The following AFF2 variants were observed in gnomAD, a reference collection of about 807,000 sequenced individuals.
The protein encoded by AFF2 is ALF transcription elongation factor 2, also known as AF4/FMR2 family member 2.
AFF2 carries 14 observed loss-of-function variants against 76.9 expected under a neutral mutation model. That is an observed-to-expected ratio of 0.18 (90% confidence interval 0.12 to 0.28). The LOEUF is 0.28. Among genes scored for constraint, AFF2 ranks in the 10% least tolerant of loss-of-function variants. The probability of loss-of-function intolerance (pLI) is 1.00; values close to 1 mark genes in which losing one functional copy is unlikely to be tolerated. For missense variants in AFF2, 868 were observed against 1,001.1 expected, an observed-to-expected ratio of 0.87 and a Z score of 1.79; for synonymous variants, 398 against 366.7, an observed-to-expected ratio of 1.09 and a Z score of -0.98.
intron 1 of AFF2, among the ~76,000 whole-genome samples, chrX:148,598,519 G>A (rs1392167819): frequency 1.8e-5 from 2 of 112,314 alleles, no homozygotes; most frequent in South Asian, 3.6e-4. Context: ...AGGCACTAGC[G>A]TTCTCCTATC....
intron 1 of AFF2, among the ~76,000 whole-genome samples, chrX:148,548,270 G>A (rs1432109291): frequency 2.7e-5 from 3 of 111,107 alleles, no homozygotes; most frequent in Admixed American, 9.6e-5. Flanking sequence ...GACACTTTGT[G>A]GTGGGCATAT....
rs946205293 is a variant in AFF2, at chrX:148,615,383, C to T, written c.48-36616C>T. Among the ~76,000 whole-genome samples, 30 of 111,771 alleles carry T rather than the reference C, an allele frequency of 2.7e-4. 1 individual carries two copies. The highest frequency in any genetic ancestry group is 1.6e-3 in the Admixed American group (17 of 10,574). ...GAATGGAATTTTACATTGACAGTGT[C>T]GTTTTGGTGGTTTAAAGTTTAGATG... On this transcript the variant is annotated intron_variant, in intron 1 of 20. Coordinates refer to ENST00000370460, the MANE Select transcript of AFF2 (RefSeq NM_002025.4).
chrX:148,591,092 A>T (rs1275577752), intron 1 of AFF2, among the ~76,000 whole-genome samples: 3 of 112,403 alleles, frequency 2.7e-5, no homozygotes, highest in Non-Finnish European at 5.6e-5. Context: ...ATCTTCATCC[A>T]AAATGTTTGG....
intron 7 of AFF2, among the ~76,000 whole-genome samples, chrX:148,854,049 TG>T (rs781910918): frequency 1.2e-4 from 13 of 112,031 alleles, no homozygotes; most frequent in Non-Finnish European, 5.6e-5. Context: ...ATTTTGATAT[TG>T]AAGAGGGCCT....
intron 8 of AFF2, among the ~76,000 whole-genome samples, chrX:148,892,372 A>G (rs1168218379): frequency 5.3e-5 from 2 of 37,495 alleles, no homozygotes; most frequent in East Asian, 7.8e-3. Flanking sequence ...TAATTACCGA[A>G]CACAAAAAAG....
At chrX:148,695,953 C>T (rs181031892) in intron 3 of AFF2, among the ~76,000 whole-genome samples, 1 of 111,925 alleles carries the variant, frequency 8.9e-6, no homozygotes, top group East Asian at 2.8e-4. Context: ...TATTTGATCA[C>T]TTAGTAGGTA....
chrX:148,604,957 G>A lies in AFF2; in HGVS notation c.48-47042G>A, dbSNP rs183603718. Among the ~76,000 whole-genome samples, 11 of 111,482 alleles carry A rather than the reference G, an allele frequency of 9.9e-5. No homozygotes were observed. In the East Asian group the frequency reaches 3.1e-3, roughly 32 times the overall value. On this transcript the variant is annotated intron_variant, in intron 1 of 20. Coordinates refer to ENST00000370460, the MANE Select transcript of AFF2 (RefSeq NM_002025.4). The stretch of plus-strand genomic sequence containing the variant: ...CTATACAAAATAAGATATGACAAGA[G>A]GGAACTATCCTTTAGAGAAAAATAA...
intron 9 of AFF2, among the ~76,000 whole-genome samples, chrX:148,924,294 A>G (rs1482202791): frequency 8.9e-6 from 1 of 111,839 alleles, no homozygotes; most frequent in Non-Finnish European, 1.9e-5. Flanking sequence ...TGAAAAGACA[A>G]TAGTGAGATA....
rs1416440075 is a variant in AFF2, at chrX:148,992,713, C to T, written c.*1381C>T. The T allele has an allele frequency of 8.9e-6, 1 of 112,175 alleles. No individual in the cohort carries two copies. The highest frequency in any genetic ancestry group is 9.5e-5 in the Admixed American group (1 of 10,514). The allele number at this position is 112,175 out of a possible 1,213,427, so 9.2% of individuals were successfully genotyped here. A position where few individuals can be genotyped will look rare whatever the true frequency, so the allele number is the denominator to read the frequency against. On this transcript the variant is annotated 3_prime_UTR_variant, in exon 21 of 21. Coordinates refer to ENST00000370460, the MANE Select transcript of AFF2 (RefSeq NM_002025.4). ...ATTCACCTAATTTGGAGACATTTCT[C>T]ACTGGTTGTGACTACCCCCTTATGA...
chrX:148,650,251 G>A (rs891816559), intron 1 of AFF2, among the ~76,000 whole-genome samples: 13 of 111,439 alleles, frequency 1.2e-4, no homozygotes, highest in Non-Finnish European at 2.4e-4. Context: ...CAAACATGGA[G>A]ACATTGAGAC....
At chrX:148,670,707 C>T (rs1212117085) in intron 3 of AFF2, among the ~76,000 whole-genome samples, 1 of 111,850 alleles carries the variant, frequency 8.9e-6, no homozygotes, top group Non-Finnish European at 1.9e-5. Flanking sequence ...AATTTCTGAG[C>T]TTTCCCAGGT....
chrX:148,566,703 C>T (rs996027536), intron 1 of AFF2, among the ~76,000 whole-genome samples: 2 of 111,020 alleles, frequency 1.8e-5, no homozygotes, highest in African/African-American at 6.6e-5. Flanking sequence ...CCTTAAGAAT[C>T]TCCATGTTGA....
chrX:148,675,240 G>T (rs897537439), intron 3 of AFF2, among the ~76,000 whole-genome samples: 3 of 110,364 alleles, frequency 2.7e-5, no homozygotes, highest in African/African-American at 6.6e-5. Context: ...TAAAGATGAG[G>T]TGAGGTTCAG....
intron 7 of AFF2, among the ~76,000 whole-genome samples, chrX:148,876,900 T>A (rs2071041479): frequency 9.0e-6 from 1 of 111,670 alleles, no homozygotes; most frequent in South Asian, 3.8e-4. Flanking sequence ...CTTCCCTATC[T>A]CCTTTGGAAT....
chrX:148,712,236 T>C (rs1231936070), intron 3 of AFF2, among the ~76,000 whole-genome samples: 1 of 111,948 alleles, frequency 8.9e-6, no homozygotes, highest in East Asian at 2.8e-4. Flanking sequence ...ATAGAATCTA[T>C]GTTTATCCTC....
At chrX:148,706,592 A>G (rs782508086) in intron 3 of AFF2, among the ~76,000 whole-genome samples, 1 of 112,501 alleles carries the variant, frequency 8.9e-6, no homozygotes, top group South Asian at 3.7e-4. Context: ...GAATGTTCAA[A>G]TTAGGATCAA....
At chrX:148,588,729 A>G (rs2053493810) in intron 1 of AFF2, among the ~76,000 whole-genome samples, 2 of 111,776 alleles carry the variant, frequency 1.8e-5, no homozygotes, top group Non-Finnish European at 3.8e-5. Context: ...CCCCCATGCC[A>G]CTGTCTTCTT....
intron 9 of AFF2, among the ~76,000 whole-genome samples, chrX:148,914,105 A>G (rs186816628): frequency 8.0e-5 from 9 of 111,963 alleles, no homozygotes; most frequent in African/African-American, 2.9e-4. Flanking sequence ...GTAGCATTCT[A>G]TGGGACAGAG....
chrX:148,716,414 A>G (rs781955092), intron 3 of AFF2, among the ~76,000 whole-genome samples: 1 of 112,026 alleles, frequency 8.9e-6, no homozygotes, highest in East Asian at 2.8e-4. Flanking sequence ...TTCTGATAGA[A>G]GAATCTATGC....
Sources: allele counts gnomAD v4.1 joint callset (sites outside exome capture counted in the v4.1 genomes callset), GRCh38; gene constraint gnomAD v4.1.1; transcripts MANE v1.5; gene names NCBI Gene and HGNC (gene_info 2026-07-23, HGNC 2026-07-21).